The following FAHD1 variants were observed in gnomAD, a reference collection of about 807,000 sequenced individuals.
The protein encoded by FAHD1 is FAH domain containing oxaloacetate decarboxylase 1.
Under a neutral mutation model 12.7 loss-of-function variants are expected in FAHD1, and 14 were observed. The observed-to-expected ratio is 1.10, with a 90% confidence interval of 0.73 to 1.72. The LOEUF is 1.72. FAHD1 is among the 40% of genes most tolerant of loss of function. The pLI is 0.00. For synonymous variants in FAHD1, 153 were observed against 124.9 expected, an observed-to-expected ratio of 1.22 and a Z score of -1.50; for missense variants, 351 against 298.9, an observed-to-expected ratio of 1.17 and a Z score of -1.29.
At chr16:1,831,631 C>T (rs1898621475), downstream of FAHD1, among the ~76,000 whole-genome samples, 1 of 152,158 alleles carries the variant, frequency 6.6e-6, no homozygotes, top group Admixed American at 6.5e-5. Flanking sequence ...GGGGCATCCT[C>T]CATATACTCT....
At chr16:1,828,954 AG>A, downstream of FAHD1, 1 of 995,722 alleles carries the variant, frequency 1.0e-6, no homozygotes, top group Non-Finnish European at 1.2e-6. Context: ...AATGACGAGG[AG>A]GGATATTTCC....
downstream of FAHD1, among the ~76,000 whole-genome samples, chr16:1,831,755 C>T (rs916200846): frequency 1.3e-5 from 2 of 152,182 alleles, no homozygotes; most frequent in Non-Finnish European, 2.9e-5. Context: ...TTCTGCTTCC[C>T]GTCAGATCAG....
downstream of FAHD1, among the ~76,000 whole-genome samples, chr16:1,830,435 C>T (rs1022144284): frequency 3.9e-5 from 6 of 152,204 alleles, no homozygotes; most frequent in East Asian, 1.9e-4. Context: ...ACCAGGTACA[C>T]GGTTCAGCTG....
intron 2 of FAHD1, among the ~76,000 whole-genome samples, chr16:1,838,716 A>C (rs559301311): frequency 6.6e-6 from 1 of 152,074 alleles, no homozygotes; most frequent in Admixed American, 6.6e-5. Context: ...ATTTGGAGAC[A>C]AGTCTTGCTC....
chr16:1,827,311 G>A, exon 1 of FAHD1: 2 of 1,613,234 alleles, frequency 1.2e-6, no homozygotes, highest in Non-Finnish European at 8.5e-7. Flanking sequence ...GAGGAACTAC[G>A]CGGACCACGT....
intron 1 of FAHD1, among the ~76,000 whole-genome samples, chr16:1,835,271 A>G (rs1898711962): frequency 6.6e-6 from 1 of 152,106 alleles, no homozygotes; most frequent in Non-Finnish European, 1.5e-5. Context: ...TCAAAAAAAA[A>G]AAAAAGTATA....
rs765297181 is a variant in FAHD1, at chr16:1,827,637, C to CAAGGA, written c.400_404dup (p.Lys136ArgfsTer10). ...CCTGCCCGGTCAGCGCGTTCGTGCC[C>CAAGGA]AAGGAGAAGATCCCTGACCCTCACA... is the stretch of plus-strand genomic sequence containing the variant. On this transcript the variant is annotated frameshift_variant, in exon 1 of 1. Coordinates refer to ENST00000427358, the Ensembl canonical transcript of FAHD1. LOFTEE classifies it high-confidence loss of function. The CAAGGA allele has an allele frequency of 8.7e-6, 14 of 1,613,926 alleles. No individual in the cohort carries two copies. Among genetic ancestry groups the CAAGGA allele is most frequent in the Non-Finnish European group, 1.2e-5 (14 of 1,180,044 alleles).
chr16:1,827,486 C>G (rs1898507600), exon 1 of FAHD1: 7 of 1,612,408 alleles, frequency 4.3e-6, no homozygotes, highest in Non-Finnish European at 5.1e-6. Flanking sequence ...CGCGCAGTCC[C>G]CGAGGCTGCG....
intron 1 of FAHD1, among the ~76,000 whole-genome samples, chr16:1,837,012 C>G (rs1400478287): frequency 6.6e-6 from 1 of 152,074 alleles, no homozygotes; most frequent in Non-Finnish European, 1.5e-5. Context: ...ACCTGTGACC[C>G]AGTGCAAGTG....
downstream of FAHD1, among the ~76,000 whole-genome samples, chr16:1,832,802 C>T (rs528168628): frequency 1.4e-4 from 22 of 152,208 alleles, no homozygotes; most frequent in South Asian, 2.1e-4. Flanking sequence ...CCCCATTCAC[C>T]TGGCTTCACA....
exon 3 of FAHD1, chr16:1,839,666 C>G (rs962115079): frequency 4.4e-6 from 2 of 450,828 alleles, no homozygotes; most frequent in South Asian, 3.2e-5. Flanking sequence ...CTCTGCCTGC[C>G]CTCCTTCCCT....
chr16:1,834,243 A>G, intron 1 of FAHD1: 4 of 1,464,478 alleles, frequency 2.7e-6, no homozygotes, highest in Non-Finnish European at 2.9e-6. Flanking sequence ...AGAGTTCAAA[A>G]TGATAGACCG....
At chr16:1,827,697 C>G (rs3743852) in exon 1 of FAHD1, 219,216 of 1,613,974 alleles carry the variant, frequency 0.14, 15,371 homozygotes, top group Middle Eastern at 0.14. Flanking sequence ...ACGGCGAACT[C>G]AGACAGGAGG....
At chr16:1,827,914 T>C in exon 1 of FAHD1, 1 of 1,607,832 alleles carries the variant, frequency 6.2e-7, no homozygotes, top group Non-Finnish European at 8.5e-7. Context: ...AGTTATTTCT[T>C]AACAAGTTTC....
exon 1 of FAHD1, chr16:1,828,669 A>G: frequency 1.1e-6 from 1 of 936,942 alleles, no homozygotes; most frequent in Middle Eastern, 5.6e-4. Flanking sequence ...GACTTGCTGA[A>G]TCAATTTGAT....
exon 1 of FAHD1, chr16:1,827,613 C>G (rs1567267666): frequency 1.2e-6 from 2 of 1,613,948 alleles, no homozygotes; most frequent in Non-Finnish European, 1.7e-6. Flanking sequence ...TCACGGCGTC[C>G]TGCCCGGTCA....
intron 1 of FAHD1, among the ~76,000 whole-genome samples, chr16:1,837,114 C>T (rs1372591040): frequency 3.3e-5 from 5 of 152,118 alleles, no homozygotes; most frequent in African/African-American, 4.8e-5. Flanking sequence ...CACAAAGACT[C>T]GAGGATCCTC....
chr16:1,837,496 G>C (rs1401360102), intron 1 of FAHD1, among the ~76,000 whole-genome samples: 1 of 152,072 alleles, frequency 6.6e-6, no homozygotes, highest in Non-Finnish European at 1.5e-5. Context: ...GTGTACTATT[G>C]CACCCATCAG....
At chr16:1,834,327 T>C in intron 1 of FAHD1, 8 of 1,612,704 alleles carry the variant, frequency 5.0e-6, no homozygotes, top group Non-Finnish European at 6.8e-6. Flanking sequence ...GAGAGTACAC[T>C]AATTTTCAAT....
Sources: gnomAD v4.1 joint callset for allele counts (sites outside exome capture counted in the v4.1 genomes callset) on GRCh38, gnomAD v4.1.1 for gene constraint, MANE v1.5 for transcripts, NCBI Gene and HGNC (gene_info 2026-07-23, HGNC 2026-07-21) for gene names.